Variants in CFAP99 observed in about 807,000 individuals in gnomAD.
CFAP99 encodes cilia- and flagella-associated protein 99.
In CFAP99, 84 loss-of-function variants were observed where a neutral mutation model predicts 82.7. The observed-to-expected ratio is 1.02, with a 90% CI of 0.85 to 1.22. The LOEUF (loss-of-function observed/expected upper bound fraction) is 1.22, where lower values mean the gene tolerates loss of function less well. Among genes scored for constraint, CFAP99 ranks in the 50% most tolerant of loss-of-function variants. CFAP99 has a pLI of 0.00. For synonymous variants in CFAP99, 456 were observed against 429.5 expected (o/e 1.06, Z -0.76); for missense variants, 1,059 against 983.5 (o/e 1.08, Z -1.03).
At chr4:2,426,719 A>G in intron 2 of CFAP99, 133 bp downstream of exon 2, 1 of 655,032 alleles carries the variant, frequency 1.5e-6, no homozygotes, top group East Asian at 2.8e-5. Context: ...CGTGTTTTCC[A>G]CAGAGACCTG....
chr4:2,451,452 G>A (rs1175328437), intron 10 of CFAP99, 100 bp downstream of exon 10: 16 of 1,100,430 alleles, frequency 1.5e-5, no homozygotes, highest in Non-Finnish European at 1.8e-5. Context: ...CAGTGGAGAG[G>A]GACTCGGGGG....
At chr4:2,434,948 G>A (rs1733877970) in intron 2 of CFAP99, among the ~76,000 whole-genome samples, 1 of 152,226 alleles carries the variant, frequency 6.6e-6, no homozygotes, top group Non-Finnish European at 1.5e-5. Context: ...ACAAGGTCAT[G>A]TGGCTTGTGC....
chr4:2,437,413 C>G (rs1183410918), intron 3 of CFAP99, among the ~76,000 whole-genome samples: 2 of 152,204 alleles, frequency 1.3e-5, no homozygotes, highest in Admixed American at 6.5e-5. Flanking sequence ...GCTGCCTGGG[C>G]TTCCTGCAGC....
intron 4 of CFAP99, among the ~76,000 whole-genome samples, chr4:2,439,723 C>T (rs918504884): frequency 5.3e-5 from 8 of 152,228 alleles, no homozygotes; most frequent in African/African-American, 1.7e-4. Context: ...CATTTTCTGG[C>T]AGATACCTGG....
intron 4 of CFAP99, among the ~76,000 whole-genome samples, chr4:2,441,027 C>T (rs1256537116): frequency 6.6e-6 from 1 of 151,706 alleles, no homozygotes; most frequent in Non-Finnish European, 1.5e-5. Flanking sequence ...CACTGCACTC[C>T]AGCCTGGGTG....
In CFAP99 at chr4:2,451,367, GC is replaced by G. The variant is rs1298605492; in HGVS notation, c.956+22del. The G allele has an allele frequency of 5.2e-6, 8 of 1,533,756 alleles. No homozygotes were observed. The highest frequency in any genetic ancestry group is 2.4e-5 in the South Asian group (2 of 83,922). On this transcript the variant is annotated intron_variant, in intron 10 of 14. Coordinates refer to ENST00000635017, the Ensembl canonical transcript of CFAP99. ...GAGCTGCAGAGGTGAAGGGCGGCAG[GC>G]CCCCCCACCTGCCTTCCACGGCATC...
At chr4:2,431,999 G>T (rs1303472452) in intron 2 of CFAP99, among the ~76,000 whole-genome samples, 1 of 152,148 alleles carries the variant, frequency 6.6e-6, no homozygotes, top group Non-Finnish European at 1.5e-5. Flanking sequence ...ACTGTGTTTG[G>T]ATACAACAAA....
chr4:2,441,644 C>T (rs115218909), intron 4 of CFAP99, among the ~76,000 whole-genome samples: 2,050 of 152,308 alleles, frequency 0.013, 42 homozygotes, highest in African/African-American at 0.047. Flanking sequence ...ATGTGAATTG[C>T]CCACGTAAAT....
At chr4:2,441,751 G>A (rs142258447) in intron 4 of CFAP99, among the ~76,000 whole-genome samples, 1,627 of 152,310 alleles carry the variant, frequency 0.011, 10 homozygotes, top group Non-Finnish European at 0.018. Flanking sequence ...TTCCTGCCTC[G>A]GGGCTCCAGG....
intron 4 of CFAP99, among the ~76,000 whole-genome samples, chr4:2,439,777 C>T (rs1422771195): frequency 6.6e-6 from 1 of 152,118 alleles, no homozygotes. Context: ...GAAACCAAAC[C>T]CCAGAAACCA....
At chr4:2,458,762 C>T (rs746951136) in exon 12 of CFAP99, 214 of 1,535,584 alleles carry the variant, frequency 1.4e-4, no homozygotes, top group South Asian at 2.4e-4. Context: ...GAGACGGCTC[C>T]GGGAGGACAG....
chr4:2,456,111 C>G (rs1007285062), intron 11 of CFAP99, among the ~76,000 whole-genome samples: 3 of 152,150 alleles, frequency 2.0e-5, no homozygotes, highest in African/African-American at 7.2e-5. Context: ...TCCAAGGAAC[C>G]TCTGTGCCTC....
chr4:2,461,063 T>A (rs562290236), intron 14 of CFAP99, among the ~76,000 whole-genome samples: 3 of 152,256 alleles, frequency 2.0e-5, no homozygotes, highest in East Asian at 3.9e-4. Flanking sequence ...TGCTGTAACT[T>A]TTTTTTTCTT....
At chr4:2,426,907 G>T in intron 2 of CFAP99, 1 of 301,124 alleles carries the variant, frequency 3.3e-6, no homozygotes, top group Non-Finnish European at 6.4e-6. Context: ...ACTTTGGGGG[G>T]CATCTTATCT....
chr4:2,419,191 C>G (rs1014988916), intron 1 of CFAP99, 98 bp downstream of exon 1: 3 of 152,158 alleles, frequency 2.0e-5, no homozygotes, highest in African/African-American at 7.2e-5. Context: ...TTCTCCCAAA[C>G]ACCTCTTCTG....
intron 1 of CFAP99, among the ~76,000 whole-genome samples, chr4:2,420,407 C>A (rs1283163961): frequency 6.6e-6 from 1 of 152,192 alleles, no homozygotes; most frequent in African/African-American, 2.4e-5. Context: ...CACTCTCAGT[C>A]TTCCCCCATA....
chr4:2,437,036 C>A lies in CFAP99; in HGVS notation c.256+18C>A. 1.3e-6 allele frequency: 2 copies of A among 1,535,828 alleles called. No individual in the cohort carries two copies. Among genetic ancestry groups the A allele is most frequent in the South Asian group, 1.2e-5 (1 of 84,030 alleles). ...CTTCGAGGGTAGGTGCCTGGCTGGTCCCCAGGGCCAGGCCGTAGAGACGGT... is the reference window on the plus strand; with the variant it reads ...CTTCGAGGGTAGGTGCCTGGCTGGTACCCAGGGCCAGGCCGTAGAGACGGT... On this transcript the variant is annotated intron_variant, in intron 3 of 14. Coordinates refer to ENST00000635017, the Ensembl canonical transcript of CFAP99.
At chr4:2,453,014 G>C (rs1216484608) in intron 11 of CFAP99, among the ~76,000 whole-genome samples, 2 of 152,156 alleles carry the variant, frequency 1.3e-5, no homozygotes, top group African/African-American at 2.4e-5. Flanking sequence ...AGTGAGCCGT[G>C]ATCATGCCAC....
chr4:2,437,023 G>T lies in CFAP99; in HGVS notation c.256+5G>T. 1 of 1,536,032 alleles carries T rather than the reference G, an allele frequency of 6.5e-7. No homozygotes were observed. The highest frequency in any genetic ancestry group is 8.7e-7 in the Non-Finnish European group (1 of 1,146,832). On this transcript the variant is annotated splice_donor_5th_base_variant and intron_variant, in intron 3 of 14. Transcript: ENST00000635017. Reference sequence around the variant, plus strand: ...TTGACCACAGCCGCTTCGAGGGTAGGTGCCTGGCTGGTCCCCAGGGCCAGG... The same window carrying T: ...TTGACCACAGCCGCTTCGAGGGTAGTTGCCTGGCTGGTCCCCAGGGCCAGG...
Sources: gnomAD v4.1 joint callset for allele counts (sites outside exome capture counted in the v4.1 genomes callset) on GRCh38, gnomAD v4.1.1 for gene constraint, MANE v1.5 for transcripts, NCBI Gene and HGNC (gene_info 2026-07-23, HGNC 2026-07-21) for gene names.